Variants in VEPH1 observed in about 807,000 individuals in gnomAD.
The protein encoded by VEPH1 is ventricular zone expressed PH domain containing 1.
VEPH1 carries 80 observed loss-of-function variants against 85.2 expected under a neutral mutation model. The ratio of observed to expected loss-of-function variants is 0.94; its 90% CI spans 0.78 to 1.13. The LOEUF is 1.13. VEPH1 is among the 50% of genes most tolerant of loss of function. VEPH1 has a pLI of 0.00. For synonymous variants in VEPH1, 297 were observed against 348.0 expected (o/e 0.85, Z 1.63); for missense variants, 955 against 980.5 (o/e 0.97, Z 0.35).
At chr3:157,391,937 TAAAG>T (rs142144872) in intron 6 of VEPH1, among the ~76,000 whole-genome samples, 100,618 of 151,344 alleles carry the variant, frequency 0.66, 33,712 homozygotes, top group South Asian at 0.75. Flanking sequence ...TTAGCACTCT[TAAAG>T]AAAAGAAATT....
At chr3:157,306,892 C>T (rs558258260) in intron 11 of VEPH1, among the ~76,000 whole-genome samples, 22 of 152,006 alleles carry the variant, frequency 1.4e-4, no homozygotes, top group South Asian at 8.3e-4. Context: ...CCACTCTGTA[C>T]GCCTTTACAT....
At chr3:157,477,950 T>C (rs1455782710) in intron 2 of VEPH1, among the ~76,000 whole-genome samples, 3 of 152,152 alleles carry the variant, frequency 2.0e-5, no homozygotes, top group Non-Finnish European at 4.4e-5. Context: ...TGTTTCCATA[T>C]AGAATAAATT....
intron 10 of VEPH1, chr3:157,315,899 G>GAAGAA (rs1281321235): frequency 6.6e-6 from 1 of 151,522 alleles, no homozygotes; most frequent in East Asian, 1.9e-4. Context: ...AAGCAAAATA[G>GAAGAA]AAGAAAAATA....
chr3:157,441,185 A>C (rs946660328), intron 4 of VEPH1, among the ~76,000 whole-genome samples: 1 of 152,226 alleles, frequency 6.6e-6, no homozygotes, highest in Admixed American at 6.5e-5. Flanking sequence ...TTCTATTAAT[A>C]AGAGGCACTG....
intron 3 of VEPH1, among the ~76,000 whole-genome samples, chr3:157,461,144 T>A (rs1351587510): frequency 6.6e-6 from 1 of 152,254 alleles, no homozygotes; most frequent in Non-Finnish European, 1.5e-5. Context: ...AATAATTCTC[T>A]TCTTGATTTA....
chr3:157,415,477 G>T (rs1263256103), intron 5 of VEPH1, among the ~76,000 whole-genome samples: 1 of 152,152 alleles, frequency 6.6e-6, no homozygotes, highest in African/African-American at 2.4e-5. Context: ...GCGGGACATG[G>T]AGCTGAGATC....
chr3:157,332,597 C>T (rs747445737), intron 9 of VEPH1, among the ~76,000 whole-genome samples: 1 of 152,154 alleles, frequency 6.6e-6, no homozygotes, highest in Non-Finnish European at 1.5e-5. Context: ...GGCTAAATAA[C>T]ATTCCATCAT....
intron 5 of VEPH1, among the ~76,000 whole-genome samples, chr3:157,417,026 T>C (rs375628198): frequency 6.6e-6 from 1 of 151,720 alleles, no homozygotes; most frequent in Admixed American, 6.6e-5. Context: ...CCCTGAACAA[T>C]GTAAACTAAA....
At chr3:157,364,947 T>C (rs1374464542) in intron 7 of VEPH1, among the ~76,000 whole-genome samples, 2 of 152,246 alleles carry the variant, frequency 1.3e-5, no homozygotes, top group Non-Finnish European at 2.9e-5. Context: ...GTTTTGTTAA[T>C]TTTTAAAAAA....
chr3:157,293,512 G>T (rs986725203), intron 11 of VEPH1, among the ~76,000 whole-genome samples: 4 of 152,086 alleles, frequency 2.6e-5, no homozygotes, highest in African/African-American at 9.7e-5. Flanking sequence ...GTGGCTGGAA[G>T]AAAACACTAT....
chr3:157,393,222 T>C (rs369693611), intron 6 of VEPH1, among the ~76,000 whole-genome samples: 1 of 152,216 alleles, frequency 6.6e-6, no homozygotes, highest in Admixed American at 6.5e-5. Context: ...GAGTTCTTGA[T>C]GATGTTGTGG....
At chr3:157,306,381 A>G (rs1355760762) in intron 11 of VEPH1, among the ~76,000 whole-genome samples, 1 of 152,154 alleles carries the variant, frequency 6.6e-6, no homozygotes, top group East Asian at 1.9e-4. Context: ...TTAAAAATTT[A>G]TACAATAACA....
At position 157,344,429 on chromosome 3, in the gene VEPH1, T is replaced by C. The variant is rs1359419903; in HGVS notation, c.1735+18935A>G. On this transcript the variant is annotated intron_variant, in intron 9 of 13. Transcript: ENST00000362010. ...ATCATGAGTAAACTCCCATTCACAA[T>C]TGCTTCAAAGAGAATAAAATACCTA... Among the ~76,000 whole-genome samples, 15 of 152,206 alleles carry C rather than the reference T, an allele frequency of 9.9e-5. No homozygotes were observed. In the East Asian group the frequency reaches 1.7e-3, roughly 18 times the overall value.
intron 9 of VEPH1, among the ~76,000 whole-genome samples, chr3:157,326,395 A>G (rs1500913): frequency 0.24 from 37,128 of 152,174 alleles, 4,966 homozygotes; most frequent in South Asian, 0.34. Flanking sequence ...AGTACCAAAA[A>G]AGTAAAATGG....
chr3:157,502,671 C>A (rs934733526), intron 1 of VEPH1, among the ~76,000 whole-genome samples: 1 of 151,982 alleles, frequency 6.6e-6, no homozygotes, highest in Non-Finnish European at 1.5e-5. Flanking sequence ...CTTTTTAAAT[C>A]AAAAATATAT....
chr3:157,337,984 T>G (rs888782640), intron 9 of VEPH1, among the ~76,000 whole-genome samples: 1 of 152,038 alleles, frequency 6.6e-6, no homozygotes, highest in African/African-American at 2.4e-5. Flanking sequence ...AGAATAGTTA[T>G]TATGTTCTGG....
intron 9 of VEPH1, among the ~76,000 whole-genome samples, chr3:157,327,755 T>TA (rs886154906): frequency 6.6e-6 from 1 of 152,178 alleles, no homozygotes; most frequent in African/African-American, 2.4e-5. Context: ...TGAAAACTGT[T>TA]AAAAACTTGT....
At chr3:157,261,561 A>G (rs16827355) in intron 13 of VEPH1, among the ~76,000 whole-genome samples, 191 bp from the exon 14 acceptor site, 7 of 152,122 alleles carry the variant, frequency 4.6e-5, no homozygotes, top group African/African-American at 1.4e-4. Context: ...CCTTTGTTAG[A>G]GTATCATAAG....
chr3:157,308,875 C>T (rs897903125), intron 11 of VEPH1, among the ~76,000 whole-genome samples: 1 of 152,060 alleles, frequency 6.6e-6, no homozygotes, highest in African/African-American at 2.4e-5. Context: ...CTGTCTATCT[C>T]ATAGTGTTGT....
Sources: gnomAD v4.1 joint callset for allele counts (sites outside exome capture counted in the v4.1 genomes callset) on GRCh38, gnomAD v4.1.1 for gene constraint, MANE v1.5 for transcripts, NCBI Gene and HGNC (gene_info 2026-07-23, HGNC 2026-07-21) for gene names.